CSTPP1: variants seen among roughly 807,000 people sequenced by gnomAD.
CSTPP1 encodes centriolar satellite-associated tubulin polyglutamylase complex regulator 1.
At chr11:46,989,919 T>G in the CSTPP1 span, among the ~76,000 whole-genome samples, 5 of 152,216 alleles carry the variant, frequency 3.3e-5, no homozygotes, top group Non-Finnish European at 2.9e-5. Context: ...GTACCTACAT[T>G]AATTCACTTA....
chr11:47,068,985 C>G, the CSTPP1 span, among the ~76,000 whole-genome samples: 1 of 152,046 alleles, frequency 6.6e-6, no homozygotes, highest in Non-Finnish European at 1.5e-5. Context: ...AGAAATTCCA[C>G]AAATGAGTTA....
the CSTPP1 span, among the ~76,000 whole-genome samples, chr11:47,107,812 C>G: frequency 1.3e-5 from 2 of 151,888 alleles, no homozygotes; most frequent in South Asian, 2.1e-4. Flanking sequence ...TTATACTGGA[C>G]AAGGTGGCAA....
the CSTPP1 span, among the ~76,000 whole-genome samples, chr11:46,997,430 A>G: frequency 6.6e-6 from 1 of 151,936 alleles, no homozygotes; most frequent in African/African-American, 2.4e-5. Context: ...TCTTTTCTAC[A>G]CTGGTTATTC....
the CSTPP1 span, among the ~76,000 whole-genome samples, chr11:46,982,397 A>AT: frequency 4.6e-5 from 7 of 151,966 alleles, no homozygotes; most frequent in Admixed American, 3.3e-4. Context: ...TCATATGAAG[A>AT]TTTTTTCCAG....
At chr11:46,941,366 G>A in the CSTPP1 span, among the ~76,000 whole-genome samples, 1 of 151,852 alleles carries the variant, frequency 6.6e-6, no homozygotes, top group Non-Finnish European at 1.5e-5. Flanking sequence ...TTGAGACGGA[G>A]TCTCGCTCTG....
At chr11:46,991,936 T>C in the CSTPP1 span, among the ~76,000 whole-genome samples, 1 of 152,132 alleles carries the variant, frequency 6.6e-6, no homozygotes, top group Non-Finnish European at 1.5e-5. Flanking sequence ...AGACGGGGTT[T>C]CACCGTGTTA....
At chr11:47,054,745 C>T in the CSTPP1 span, among the ~76,000 whole-genome samples, 29 of 152,142 alleles carry the variant, frequency 1.9e-4, no homozygotes, top group African/African-American at 5.8e-4. Context: ...AGATTAGACC[C>T]AACACTAAGG....
chr11:47,032,070 C>T, the CSTPP1 span, among the ~76,000 whole-genome samples: 3 of 152,108 alleles, frequency 2.0e-5, no homozygotes, highest in African/African-American at 7.2e-5. Flanking sequence ...AAGGGTAGGT[C>T]TGCCTTTCCC....
chr11:47,097,143 G>A, the CSTPP1 span, among the ~76,000 whole-genome samples: 1 of 135,680 alleles, frequency 7.4e-6, no homozygotes, highest in Admixed American at 7.7e-5. Context: ...CGTCCGGGAG[G>A]GAGGTGGGGG....
At chr11:46,938,072 C>G in the CSTPP1 span, among the ~76,000 whole-genome samples, 1 of 151,726 alleles carries the variant, frequency 6.6e-6, no homozygotes, top group Admixed American at 6.6e-5. Flanking sequence ...CGGGGTTTCA[C>G]CATGTTGGTC....
the CSTPP1 span, among the ~76,000 whole-genome samples, chr11:47,118,742 G>T: frequency 1.3e-5 from 2 of 152,216 alleles, no homozygotes; most frequent in African/African-American, 2.4e-5. Context: ...GTTTGCTGGA[G>T]TTCCACTACA....
At chr11:47,002,063 G>C in the CSTPP1 span, among the ~76,000 whole-genome samples, 1 of 152,100 alleles carries the variant, frequency 6.6e-6, no homozygotes, top group African/African-American at 2.4e-5. Context: ...AAGGGGTAAT[G>C]CTTCCCCCTT....
the CSTPP1 span, chr11:46,987,171 T>C: frequency 6.3e-7 from 1 of 1,591,238 alleles, no homozygotes; most frequent in Non-Finnish European, 8.6e-7. Flanking sequence ...AAAATCTTTC[T>C]CTCATTTTCT....
the CSTPP1 span, among the ~76,000 whole-genome samples, chr11:47,155,425 G>A: frequency 1.3e-5 from 2 of 152,126 alleles, no homozygotes; most frequent in Non-Finnish European, 2.9e-5. Context: ...GTGTTCAGTG[G>A]TGGTCACAAG....
At chr11:47,063,147 G>T in the CSTPP1 span, among the ~76,000 whole-genome samples, 3 of 151,942 alleles carry the variant, frequency 2.0e-5, no homozygotes, top group African/African-American at 7.3e-5. Flanking sequence ...TTTTCTCCTT[G>T]ATATCTCCAT....
chr11:46,954,728 C>CA, the CSTPP1 span, among the ~76,000 whole-genome samples: 7 of 149,488 alleles, frequency 4.7e-5, no homozygotes, highest in African/African-American at 1.2e-4. Context: ...AGAGTTATAA[C>CA]AAAAAAAAGC....
At chr11:47,013,581 A>G in the CSTPP1 span, among the ~76,000 whole-genome samples, 2 of 152,166 alleles carry the variant, frequency 1.3e-5, no homozygotes, top group African/African-American at 4.8e-5. Context: ...ACATGACCTC[A>G]TTCCTTTTTA....
At chr11:46,941,044 G>A in the CSTPP1 span, among the ~76,000 whole-genome samples, 1 of 152,162 alleles carries the variant, frequency 6.6e-6, no homozygotes, top group Non-Finnish European at 1.5e-5. Context: ...CAGAGTCTCA[G>A]GTTGGTTGAA....
chr11:47,135,936 G>A, the CSTPP1 span, among the ~76,000 whole-genome samples: 1 of 152,044 alleles, frequency 6.6e-6, no homozygotes, highest in Non-Finnish European at 1.5e-5. Flanking sequence ...AAACCAGGAA[G>A]CTAATGTTGA....
Sources: gnomAD v4.1 joint callset for allele counts (sites outside exome capture counted in the v4.1 genomes callset) on GRCh38, gnomAD v4.1.1 for gene constraint, MANE v1.5 for transcripts, NCBI Gene and HGNC (gene_info 2026-07-23, HGNC 2026-07-21) for gene names.